The following AKT3 variants were observed in gnomAD, a reference collection of about 807,000 sequenced individuals.
AKT3 encodes AKT serine/threonine kinase 3.
Under a neutral mutation model 65.3 loss-of-function variants are expected in AKT3, and 15 were observed. The ratio of observed to expected loss-of-function variants is 0.23; its 90% CI spans 0.15 to 0.35. AKT3 has a LOEUF of 0.35. Ranked by LOEUF, AKT3 falls within the 10% of genes least tolerant of loss-of-function variation. The probability of loss-of-function intolerance (pLI) is 1.00; values close to 1 mark genes in which losing one functional copy is unlikely to be tolerated. For missense variants in AKT3, 243 were observed against 576.5 expected, an observed-to-expected ratio of 0.42 and a Z score of 5.92; for synonymous variants, 206 against 183.8, an observed-to-expected ratio of 1.12 and a Z score of -0.98.
chr1:243,609,253 A>T (rs893794063), intron 8 of AKT3, among the ~76,000 whole-genome samples: 1 of 142,532 alleles, frequency 7.0e-6, no homozygotes, highest in African/African-American at 2.6e-5. Flanking sequence ...CTGATAATCT[A>T]AAAAAAAAAA....
At chr1:243,850,273 C>G (rs1421192520), upstream of AKT3, 2 of 110,954 alleles carry the variant, frequency 1.8e-5, no homozygotes, top group East Asian at 6.4e-4. Context: ...CCGGCCGGGC[C>G]GGGCCGCGGA....
At chr1:243,527,543 A>G (rs1671192500) in intron 12 of AKT3, among the ~76,000 whole-genome samples, 1 of 152,120 alleles carries the variant, frequency 6.6e-6, no homozygotes, top group South Asian at 2.1e-4. Flanking sequence ...TCAGCATAAA[A>G]TTGGGCTTTG....
intron 8 of AKT3, among the ~76,000 whole-genome samples, chr1:243,610,083 G>A (rs1257659497): frequency 6.6e-6 from 1 of 152,176 alleles, no homozygotes; most frequent in Non-Finnish European, 1.5e-5. Context: ...CTACCAGAGT[G>A]CCTTCCACAA....
At chr1:243,754,800 G>T (rs1689025178) in intron 2 of AKT3, among the ~76,000 whole-genome samples, 1 of 152,174 alleles carries the variant, frequency 6.6e-6, no homozygotes, top group Non-Finnish European at 1.5e-5. Flanking sequence ...TGTGTTCCAT[G>T]AAAGCAGCCC....
At chr1:243,722,126 T>A (rs2148117105) in intron 2 of AKT3, among the ~76,000 whole-genome samples, 1 of 152,316 alleles carries the variant, frequency 6.6e-6, no homozygotes, top group South Asian at 2.1e-4. Flanking sequence ...ACAGCAGGTG[T>A]TACGTTATTC....
chr1:243,569,055 C>T (rs142192458), intron 9 of AKT3, among the ~76,000 whole-genome samples: 113 of 152,276 alleles, frequency 7.4e-4, no homozygotes, highest in African/African-American at 2.4e-3. Flanking sequence ...CACTCTTACA[C>T]CACATTTTAG....
In AKT3 at chr1:243,518,773, G is replaced by T. The variant is rs557389458; in HGVS notation, c.1252-6347C>A. Among the ~76,000 whole-genome samples, 17 of 152,238 alleles carry T rather than the reference G, an allele frequency of 1.1e-4. 1 individual carries two copies. The South Asian group carries it at 2.9e-3, about 26-fold the overall frequency. On this transcript the variant is annotated intron_variant, in intron 12 of 13. Transcript: ENST00000673466. ...AAACTTTATGGAAAATGTGTATTAT[G>T]AAAAAACCATGCACAGATTTCAAAA...
At position 243,499,836 on chromosome 1, in the gene AKT3, C is replaced by T. The variant is rs373195978; in HGVS notation, c.*5413G>A. ...TGATTTACAAAGAGATATTTACATT[C>T]ATCTGGTTTAGACTTAATATGCCAC... On this transcript the variant is annotated 3_prime_UTR_variant, in exon 14 of 14. Coordinates refer to ENST00000673466, the MANE Select transcript of AKT3 (RefSeq NM_005465.7). 7 of 1,575,198 alleles carry T rather than the reference C, an allele frequency of 4.4e-6. No homozygotes were observed. The highest frequency in any genetic ancestry group is 4.4e-6 in the Non-Finnish European group (5 of 1,146,986).
intron 12 of AKT3, among the ~76,000 whole-genome samples, chr1:243,528,207 T>C (rs1284975269): frequency 6.6e-6 from 1 of 152,202 alleles, no homozygotes; most frequent in Non-Finnish European, 1.5e-5. Flanking sequence ...CTTGTTTCTA[T>C]GTAGCTCCAA....
At chr1:243,603,363 T>G (rs183686507) in intron 8 of AKT3, among the ~76,000 whole-genome samples, 1 of 152,342 alleles carries the variant, frequency 6.6e-6, no homozygotes, top group South Asian at 2.1e-4. Context: ...TCAGTTATCA[T>G]TGTACAGTAT....
intron 2 of AKT3, among the ~76,000 whole-genome samples, chr1:243,819,484 C>T (rs982268447): frequency 6.6e-6 from 1 of 152,192 alleles, no homozygotes; most frequent in Non-Finnish European, 1.5e-5. Flanking sequence ...AGGAATGGAA[C>T]TCTGCTCTCC....
chr1:243,490,081 T>C (rs1307612644), intron 13 of AKT3, among the ~76,000 whole-genome samples: 1 of 152,212 alleles, frequency 6.6e-6, no homozygotes. Context: ...GTGCTTGGAA[T>C]GATTAATATG....
intron 2 of AKT3, among the ~76,000 whole-genome samples, chr1:243,818,599 AAACTT>A (rs1693670302): frequency 1.3e-5 from 2 of 152,198 alleles, no homozygotes; most frequent in Non-Finnish European, 2.9e-5. Context: ...ACTGGTAAGA[AAACTT>A]AACATAAAGT....
chr1:243,849,287 T>C (rs1695648664), intron 1 of AKT3, among the ~76,000 whole-genome samples: 1 of 151,970 alleles, frequency 6.6e-6, no homozygotes, highest in African/African-American at 2.4e-5. Flanking sequence ...CCCAGCATCT[T>C]CCGCACATTT....
chr1:243,519,316 CA>C (rs1264079639), intron 12 of AKT3, among the ~76,000 whole-genome samples: 1 of 152,092 alleles, frequency 6.6e-6, no homozygotes, highest in Non-Finnish European at 1.5e-5. Context: ...CAGACAAGAG[CA>C]GAACTTTCAA....
intron 2 of AKT3, among the ~76,000 whole-genome samples, chr1:243,779,306 G>A (rs769710339): frequency 2.6e-5 from 4 of 152,006 alleles, no homozygotes; most frequent in Non-Finnish European, 5.9e-5. Flanking sequence ...TTGTCAAACC[G>A]TCTCTAAAGT....
intron 12 of AKT3, among the ~76,000 whole-genome samples, chr1:243,518,325 T>C (rs1670497568): frequency 6.6e-6 from 1 of 152,056 alleles, no homozygotes; most frequent in Admixed American, 6.6e-5. Context: ...CATTGTCGGG[T>C]AGGGCTTGTA....
At chr1:243,682,785 T>C (rs1684012123) in intron 3 of AKT3, among the ~76,000 whole-genome samples, 1 of 152,208 alleles carries the variant, frequency 6.6e-6, no homozygotes, top group Non-Finnish European at 1.5e-5. Context: ...TTCAAATTAA[T>C]GCTATTCTTG....
chr1:243,733,846 T>C (rs1687689722), intron 2 of AKT3, among the ~76,000 whole-genome samples: 1 of 152,168 alleles, frequency 6.6e-6, no homozygotes, highest in Non-Finnish European at 1.5e-5. Context: ...ATGACACAGA[T>C]AGACTTGCTC....
Sources: gnomAD v4.1 joint callset for allele counts (sites outside exome capture counted in the v4.1 genomes callset) on GRCh38, gnomAD v4.1.1 for gene constraint, MANE v1.5 for transcripts, NCBI Gene and HGNC (gene_info 2026-07-23, HGNC 2026-07-21) for gene names.